SYNPR: variants seen among roughly 807,000 people sequenced by gnomAD.
SYNPR encodes the protein synaptoporin.
SYNPR carries 23 observed loss-of-function variants against 32.9 expected under a neutral mutation model. The observed-to-expected ratio is 0.70, with a 90% CI of 0.50 to 0.99. The LOEUF (loss-of-function observed/expected upper bound fraction) is 0.99, where lower values mean the gene tolerates loss of function less well. Ranked by LOEUF, SYNPR falls within the 50% of genes least tolerant of loss-of-function variation. The pLI, the probability that SYNPR is intolerant of heterozygous loss-of-function variation, is 0.00. For missense variants in SYNPR, 318 were observed against 349.3 expected, an observed-to-expected ratio of 0.91 and a Z score of 0.71; for synonymous variants, 146 against 135.9, an observed-to-expected ratio of 1.07 and a Z score of -0.52.
At chr3:63,249,613 A>G (rs2106888058) in intron 1 of SYNPR, among the ~76,000 whole-genome samples, 2 of 152,196 alleles carry the variant, frequency 1.3e-5, no homozygotes, top group East Asian at 3.9e-4. Flanking sequence ...TGCTCGGGTG[A>G]TGGGCACAAC....
chr3:63,356,130 C>T (rs1016216028), intron 2 of SYNPR, among the ~76,000 whole-genome samples: 2 of 152,190 alleles, frequency 1.3e-5, no homozygotes, highest in African/African-American at 4.8e-5. Flanking sequence ...ACTACTTATA[C>T]TTTAAATTTT....
At chr3:63,442,731 T>C (rs1367232179) in intron 2 of SYNPR, among the ~76,000 whole-genome samples, 1 of 152,204 alleles carries the variant, frequency 6.6e-6, no homozygotes, top group Non-Finnish European at 1.5e-5. Context: ...AATCTGTCCC[T>C]TCTACAGTTG....
chr3:63,366,822 T>C (rs531827794), intron 2 of SYNPR, among the ~76,000 whole-genome samples: 1 of 152,316 alleles, frequency 6.6e-6, no homozygotes, highest in Non-Finnish European at 1.5e-5. Flanking sequence ...ACCTGAGCCA[T>C]TGAATGGTTA....
intron 1 of SYNPR, among the ~76,000 whole-genome samples, chr3:63,248,233 T>A (rs7639505): frequency 0.019 from 2,901 of 152,234 alleles, 86 homozygotes; most frequent in African/African-American, 0.065. Flanking sequence ...AAATGCTGAC[T>A]TTGGGCAAGT....
chr3:63,384,200 C>T (rs2088012003), intron 2 of SYNPR, among the ~76,000 whole-genome samples: 2 of 152,246 alleles, frequency 1.3e-5, no homozygotes, highest in Admixed American at 1.3e-4. Flanking sequence ...TGTGTGCCCT[C>T]AGGCTAGAGT....
intron 1 of SYNPR, among the ~76,000 whole-genome samples, chr3:63,232,219 T>TTTTTTA (rs869164802): frequency 6.1e-5 from 7 of 113,954 alleles, no homozygotes; most frequent in Admixed American, 1.1e-4. Flanking sequence ...TTTTTTTTTT[T>TTTTTTA]GAGACAGAGT....
At chr3:63,367,203 A>G (rs1270636796) in intron 2 of SYNPR, among the ~76,000 whole-genome samples, 3 of 152,262 alleles carry the variant, frequency 2.0e-5, no homozygotes, top group Admixed American at 6.5e-5. Flanking sequence ...GTAATTTTAT[A>G]TTTTATAATA....
intron 1 of SYNPR, among the ~76,000 whole-genome samples, chr3:63,230,445 A>G (rs1165275888): frequency 6.6e-6 from 1 of 152,184 alleles, no homozygotes; most frequent in East Asian, 1.9e-4. Flanking sequence ...GGTGTGGCTA[A>G]TAATTGACCC....
At chr3:63,439,546 A>G (rs1234574683) in intron 2 of SYNPR, among the ~76,000 whole-genome samples, 1 of 152,204 alleles carries the variant, frequency 6.6e-6, no homozygotes, top group Admixed American at 6.5e-5. Context: ...TATATGGGCA[A>G]GTATCAAAAA....
chr3:63,468,637 C>G (rs1442898425), intron 2 of SYNPR, among the ~76,000 whole-genome samples: 6 of 152,100 alleles, frequency 3.9e-5, no homozygotes, highest in African/African-American at 1.4e-4. Flanking sequence ...CCCATGTCTA[C>G]TAAAAATACA....
At chr3:63,319,027 C>T (rs1202441455) in intron 2 of SYNPR, among the ~76,000 whole-genome samples, 2 of 152,012 alleles carry the variant, frequency 1.3e-5, no homozygotes, top group African/African-American at 2.4e-5. Context: ...TGTTGTCTCT[C>T]TTCTGGGTCT....
intron 4 of SYNPR, among the ~76,000 whole-genome samples, chr3:63,602,910 A>G (rs1213961187): frequency 1.3e-5 from 2 of 152,192 alleles, no homozygotes; most frequent in Non-Finnish European, 2.9e-5. Context: ...TAGGAATAGC[A>G]TTGAATCTAT....
chr3:63,414,262 T>G (rs1019335625), intron 2 of SYNPR, among the ~76,000 whole-genome samples: 1 of 152,142 alleles, frequency 6.6e-6, no homozygotes, highest in Non-Finnish European at 1.5e-5. Context: ...ATTAGTTTTG[T>G]GGGCTTTTTT....
chr3:63,477,701 G>A lies in SYNPR; in HGVS notation c.85-3131G>A, dbSNP rs184102292. 4.8e-4 allele frequency among the ~76,000 whole-genome samples: 73 copies of A among 152,188 alleles called. 1 individual carries two copies. In the East Asian group the frequency reaches 6.0e-3, roughly 13 times the overall value. On this transcript the variant is annotated intron_variant, in intron 2 of 5. Coordinates refer to ENST00000478300, the MANE Select transcript of SYNPR (RefSeq NM_001130003.2). ...GCAGCTTAACTCTATTTCTGGGCACGAGCAAGCCGAGCCACGTGCTGGCTC... is the reference window on the plus strand; with the variant it reads ...GCAGCTTAACTCTATTTCTGGGCACAAGCAAGCCGAGCCACGTGCTGGCTC...
chr3:63,405,908 T>C (rs1197239788), intron 2 of SYNPR, among the ~76,000 whole-genome samples: 2 of 152,190 alleles, frequency 1.3e-5, no homozygotes, highest in East Asian at 3.8e-4. Context: ...ATAATAGCAC[T>C]GGTTGGACAT....
intron 2 of SYNPR, among the ~76,000 whole-genome samples, chr3:63,440,994 C>A (rs1438591629): frequency 6.6e-6 from 1 of 152,130 alleles, no homozygotes; most frequent in East Asian, 1.9e-4. Flanking sequence ...TTTGTCATAC[C>A]CTGTACACTG....
intron 3 of SYNPR, among the ~76,000 whole-genome samples, chr3:63,482,382 A>G (rs143520588): frequency 1.2e-3 from 184 of 152,258 alleles, no homozygotes; most frequent in African/African-American, 4.2e-3. Context: ...TTTTCTTTCT[A>G]ACATTATCTC....
chr3:63,377,806 A>G (rs1440434238), intron 2 of SYNPR, among the ~76,000 whole-genome samples: 1 of 152,066 alleles, frequency 6.6e-6, no homozygotes, highest in South Asian at 2.1e-4. Flanking sequence ...TAATAAAACA[A>G]GTATAATGGA....
chr3:63,457,354 T>TTTTTTTA (rs1013470442), intron 2 of SYNPR, among the ~76,000 whole-genome samples: 1 of 152,090 alleles, frequency 6.6e-6, no homozygotes, highest in African/African-American at 2.4e-5. Context: ...ATAATGATCC[T>TTTTTTTA]TTTTTTATTT....
Sources: gnomAD v4.1 joint callset for allele counts (sites outside exome capture counted in the v4.1 genomes callset) on GRCh38, gnomAD v4.1.1 for gene constraint, MANE v1.5 for transcripts, NCBI Gene and HGNC (gene_info 2026-07-23, HGNC 2026-07-21) for gene names.